CTNNA3: variants seen among roughly 807,000 people sequenced by gnomAD.
The protein encoded by CTNNA3 is catenin alpha-3.
Under a neutral mutation model 95.7 loss-of-function variants are expected in CTNNA3, and 76 were observed. The ratio of observed to expected loss-of-function variants is 0.79; its 90% CI spans 0.66 to 0.96. The LOEUF (loss-of-function observed/expected upper bound fraction) is 0.96, where lower values mean the gene tolerates loss of function less well. Among genes scored for constraint, CTNNA3 ranks in the 40% least tolerant of loss-of-function variants. The pLI is 0.00. For synonymous variants in CTNNA3, 431 were observed against 374.4 expected, an observed-to-expected ratio of 1.15 and a Z score of -1.74; for missense variants, 1,191 against 1,089.8, an observed-to-expected ratio of 1.09 and a Z score of -1.31.
chr10:67,143,283 G>A (rs927676848), intron 7 of CTNNA3, among the ~76,000 whole-genome samples: 6 of 151,832 alleles, frequency 4.0e-5, no homozygotes, highest in South Asian at 2.1e-4. Flanking sequence ...TAAGCCAAGC[G>A]TGGTGGCGGG....
chr10:66,566,793 A>G (rs1393600582), intron 10 of CTNNA3, among the ~76,000 whole-genome samples: 1 of 151,980 alleles, frequency 6.6e-6, no homozygotes, highest in Non-Finnish European at 1.5e-5. Flanking sequence ...GAGATTTGAA[A>G]TAAACTGCTA....
rs568724441 is a variant in CTNNA3 at position 66,050,966 on chromosome 10, G to A, written c.2159+18342C>T. On this transcript the variant is annotated intron_variant, in intron 15 of 17. Transcript: ENST00000433211. The stretch of plus-strand genomic sequence containing the variant: ...ACTTCTGGGCTCAAGTGATCCTCTC[G>A]CCTAAGCCTCCTGAGTAGCTAGGAC... Among the ~76,000 whole-genome samples the A allele has an allele frequency of 2.6e-5, 4 of 152,054 alleles. No homozygotes were observed. In the East Asian group the frequency reaches 5.8e-4, roughly 22 times the overall value.
intron 11 of CTNNA3, among the ~76,000 whole-genome samples, chr10:66,382,055 C>T (rs991378223): frequency 2.0e-5 from 3 of 152,070 alleles, no homozygotes; most frequent in African/African-American, 7.2e-5. Flanking sequence ...AACTGAAGTA[C>T]CTGGTTCATC....
At chr10:66,189,119 T>C (rs2086509854) in intron 13 of CTNNA3, among the ~76,000 whole-genome samples, 1 of 152,114 alleles carries the variant, frequency 6.6e-6, no homozygotes, top group African/African-American at 2.4e-5. Flanking sequence ...ATATATTGGA[T>C]ACTAACACCC....
chr10:66,642,447 A>G (rs984274774), intron 9 of CTNNA3, among the ~76,000 whole-genome samples: 23 of 152,114 alleles, frequency 1.5e-4, no homozygotes, highest in African/African-American at 5.3e-4. Flanking sequence ...TGAGTGTTGC[A>G]GAGTATGAAC....
At chr10:66,442,749 T>C (rs868680586) in intron 11 of CTNNA3, among the ~76,000 whole-genome samples, 58 of 152,270 alleles carry the variant, frequency 3.8e-4, no homozygotes, top group African/African-American at 1.3e-3. Context: ...AGATGGGTGA[T>C]TTCTGCATTT....
intron 7 of CTNNA3, among the ~76,000 whole-genome samples, chr10:67,150,419 C>T (rs965064536): frequency 2.0e-5 from 3 of 152,088 alleles, no homozygotes; most frequent in African/African-American, 4.8e-5. Flanking sequence ...TTTATTTTGG[C>T]CATTTGCTTA....
At chr10:66,953,206 T>C (rs1363892525) in intron 7 of CTNNA3, among the ~76,000 whole-genome samples, 1 of 152,210 alleles carries the variant, frequency 6.6e-6, no homozygotes, top group Non-Finnish European at 1.5e-5. Flanking sequence ...TTCTGACTTT[T>C]GTGTAAGCAA....
intron 7 of CTNNA3, among the ~76,000 whole-genome samples, chr10:66,831,518 G>A (rs1468713492): frequency 6.6e-6 from 1 of 152,060 alleles, no homozygotes; most frequent in Non-Finnish European, 1.5e-5. Flanking sequence ...TGCTTTCTCT[G>A]GCTTTCATTA....
At chr10:67,224,673 C>CA (rs1162357118) in intron 5 of CTNNA3, among the ~76,000 whole-genome samples, 4 of 149,232 alleles carry the variant, frequency 2.7e-5, no homozygotes, top group East Asian at 3.9e-4. Flanking sequence ...AAGAGCCAAG[C>CA]AAAAAAAAAT....
At chr10:66,962,147 C>T (rs1204959016) in intron 7 of CTNNA3, among the ~76,000 whole-genome samples, 3 of 152,146 alleles carry the variant, frequency 2.0e-5, no homozygotes, top group Non-Finnish European at 4.4e-5. Flanking sequence ...CAGTCACTTT[C>T]CTGTTCAAAA....
Position 67,013,154 on chromosome 10 carries a change from A to T in CTNNA3, c.1047+167163T>A, listed in dbSNP as rs187544020. 15 of 152,296 alleles carry T rather than the reference A, an allele frequency of 9.8e-5. No individual in the cohort carries two copies. The East Asian group carries it at 2.7e-3, about 27-fold the overall frequency. The allele number at this position is 152,296 out of a possible 1,614,324, so 9.4% of individuals were successfully genotyped here. Reference sequence around the variant, plus strand: ...AGGCTCAGAGAAGTTAGGTGAAAAGACTAAAGTCAAAAATGCTAATGGGTG... The same window carrying T: ...AGGCTCAGAGAAGTTAGGTGAAAAGTCTAAAGTCAAAAATGCTAATGGGTG... On this transcript the variant is annotated intron_variant, in intron 7 of 17. Transcript: ENST00000433211.
chr10:66,697,036 T>G (rs972947926), intron 9 of CTNNA3, among the ~76,000 whole-genome samples: 5 of 151,976 alleles, frequency 3.3e-5, no homozygotes, highest in Non-Finnish European at 4.4e-5. Context: ...ACGCTCTATC[T>G]CCCAAGATGC....
chr10:66,277,036 T>C (rs1475363588), intron 13 of CTNNA3, among the ~76,000 whole-genome samples: 1 of 152,100 alleles, frequency 6.6e-6, no homozygotes, highest in African/African-American at 2.4e-5. Flanking sequence ...TATTTAATAC[T>C]GCTTATTCTC....
chr10:66,715,078 G>A (rs1487607099), intron 9 of CTNNA3, among the ~76,000 whole-genome samples: 1 of 152,012 alleles, frequency 6.6e-6, no homozygotes, highest in Non-Finnish European at 1.5e-5. Context: ...ACCTGGAGGG[G>A]TTCCATTCAT....
At chr10:66,214,869 A>G (rs946307534) in intron 13 of CTNNA3, among the ~76,000 whole-genome samples, 34 of 152,130 alleles carry the variant, frequency 2.2e-4, no homozygotes, top group Non-Finnish European at 4.7e-4. Flanking sequence ...CTCTCAGTAT[A>G]TATAAAGAAT....
At chr10:66,905,463 T>G (rs1215269532) in intron 7 of CTNNA3, among the ~76,000 whole-genome samples, 3 of 152,150 alleles carry the variant, frequency 2.0e-5, no homozygotes, top group Admixed American at 1.3e-4. Flanking sequence ...GCCACATGTA[T>G]GCCAATGTAA....
chr10:66,419,399 A>G (rs539614395), intron 11 of CTNNA3, among the ~76,000 whole-genome samples: 13 of 152,304 alleles, frequency 8.5e-5, no homozygotes, highest in Admixed American at 7.8e-4. Flanking sequence ...GAGAACACAT[A>G]CAAATGTAAA....
chr10:66,403,624 T>TG (rs1564930895), intron 11 of CTNNA3, among the ~76,000 whole-genome samples: 2 of 152,084 alleles, frequency 1.3e-5, no homozygotes, highest in Non-Finnish European at 2.9e-5. Flanking sequence ...AGACGTAATT[T>TG]GGGGGGAGAC....
Sources: gnomAD v4.1 joint callset for allele counts (sites outside exome capture counted in the v4.1 genomes callset) on GRCh38, gnomAD v4.1.1 for gene constraint, MANE v1.5 for transcripts, NCBI Gene and HGNC (gene_info 2026-07-23, HGNC 2026-07-21) for gene names.